Variants in C4orf51 observed in about 807,000 individuals in gnomAD.
C4orf51 encodes the protein chromosome 4 open reading frame 51, also known as uncharacterized protein C4orf51.
In C4orf51, 25 loss-of-function variants were observed where a neutral mutation model predicts 25.2. The observed-to-expected ratio is 0.99, with a 90% CI of 0.72 to 1.39. The LOEUF (loss-of-function observed/expected upper bound fraction) is 1.39. Among genes scored for constraint, C4orf51 ranks in the 40% most tolerant of loss-of-function variants. The pLI is 0.00. For missense variants in C4orf51, 252 were observed against 239.6 expected (o/e 1.05, Z -0.34); for synonymous variants, 100 against 84.5 (o/e 1.18, Z -1.01).
At chr4:145,734,334 A>T (rs987025641), downstream of C4orf51, among the ~76,000 whole-genome samples, 9 of 141,482 alleles carry the variant, frequency 6.4e-5, no homozygotes, top group African/African-American at 2.0e-4. Flanking sequence ...ATATCCATTG[A>T]TTGAGGACAC....
chr4:145,784,373 T>C, the C4orf51 span, among the ~76,000 whole-genome samples: 5 of 152,352 alleles, frequency 3.3e-5, no homozygotes, highest in African/African-American at 1.2e-4. Context: ...CTATTACTTA[T>C]AACACTCTTA....
chr4:145,789,912 C>A, the C4orf51 span, among the ~76,000 whole-genome samples: 14 of 152,224 alleles, frequency 9.2e-5, no homozygotes, highest in African/African-American at 2.9e-4. Flanking sequence ...GGAGGCTCTG[C>A]CTCTTTTCTG....
intron 2 of C4orf51, among the ~76,000 whole-genome samples, chr4:145,725,681 A>G (rs760283943): frequency 6.6e-6 from 1 of 152,216 alleles, no homozygotes; most frequent in Non-Finnish European, 1.5e-5. Context: ...AGTCAGACAT[A>G]CAAGATCACA....
At chr4:145,700,546 A>T (rs921197875) in intron 2 of C4orf51, among the ~76,000 whole-genome samples, 5 of 152,160 alleles carry the variant, frequency 3.3e-5, no homozygotes, top group Non-Finnish European at 7.3e-5. Flanking sequence ...ATAGCCGGAA[A>T]ATGGCACTTT....
At chr4:145,738,057 C>T (rs948748624) in intron 1 of C4orf51, among the ~76,000 whole-genome samples, 1 of 151,834 alleles carries the variant, frequency 6.6e-6, no homozygotes, top group African/African-American at 2.4e-5. Context: ...GAGAGTAAGG[C>T]TTGGAGAGAT....
At chr4:145,772,950 G>A (rs1736509560), downstream of C4orf51, among the ~76,000 whole-genome samples, 1 of 152,194 alleles carries the variant, frequency 6.6e-6, no homozygotes, top group Non-Finnish European at 1.5e-5. Context: ...ATTAAATGAT[G>A]ACAAGTCCAG....
chr4:145,707,191 G>C (rs747067854), intron 2 of C4orf51, among the ~76,000 whole-genome samples: 1 of 151,992 alleles, frequency 6.6e-6, no homozygotes, highest in Non-Finnish European at 1.5e-5. Context: ...CACCCGCCTC[G>C]GCCTCCCAAA....
intron 1 of C4orf51, among the ~76,000 whole-genome samples, chr4:145,738,010 T>A (rs1254257754): frequency 6.6e-6 from 1 of 152,054 alleles, no homozygotes; most frequent in African/African-American, 2.4e-5. Context: ...GTGGCTTGAG[T>A]GTTGGGAGGA....
intron 1 of C4orf51, among the ~76,000 whole-genome samples, chr4:145,741,338 CT>C (rs1391857137): frequency 6.6e-6 from 1 of 152,058 alleles, no homozygotes; most frequent in Non-Finnish European, 1.5e-5. Context: ...ATCCTTTGAC[CT>C]TTTTTTATTT....
intron 1 of C4orf51, among the ~76,000 whole-genome samples, chr4:145,681,254 T>G (rs1728823637): frequency 6.6e-6 from 1 of 152,218 alleles, no homozygotes; most frequent in Non-Finnish European, 1.5e-5. Flanking sequence ...TCTTGGAACA[T>G]ATTTGATAAT....
At chr4:145,728,016 TATATA>T (rs1406819980) in intron 3 of C4orf51, among the ~76,000 whole-genome samples, 20 of 127,172 alleles carry the variant, frequency 1.6e-4, no homozygotes, top group South Asian at 6.9e-4. Flanking sequence ...AATGTGTGTA[TATATA>T]ATATATATTA....
downstream of C4orf51, among the ~76,000 whole-genome samples, chr4:145,775,048 C>T (rs1406156587): frequency 1.3e-5 from 2 of 152,124 alleles, no homozygotes; most frequent in Non-Finnish European, 2.9e-5. Context: ...CTGATAAACT[C>T]GGAGAGCACC....
chr4:145,772,489 C>T (rs1334834466), downstream of C4orf51, among the ~76,000 whole-genome samples: 2 of 152,166 alleles, frequency 1.3e-5, no homozygotes, highest in Non-Finnish European at 2.9e-5. Context: ...CAGCAAACTA[C>T]AGTCCTTGGG....
chr4:145,774,376 A>G (rs1337486769), downstream of C4orf51: 16 of 1,028,080 alleles, frequency 1.6e-5, no homozygotes, highest in Non-Finnish European at 2.3e-5. Flanking sequence ...ATGCCTTGGG[A>G]AAGTCCTTCC....
downstream of C4orf51, chr4:145,758,355 C>A (rs954391741): frequency 6.6e-6 from 1 of 152,178 alleles, no homozygotes; most frequent in African/African-American, 2.4e-5. Context: ...CAACCCTAGA[C>A]CTCCTATTGC....
At chr4:145,682,746 T>G (rs1366942692) in intron 1 of C4orf51, among the ~76,000 whole-genome samples, 1 of 152,158 alleles carries the variant, frequency 6.6e-6, no homozygotes, top group Non-Finnish European at 1.5e-5. Context: ...GAGAATGAAA[T>G]TAGTGTGATA....
At chr4:145,688,200 TAAAA>T (rs554716520) in intron 1 of C4orf51, among the ~76,000 whole-genome samples, 6 of 98,828 alleles carry the variant, frequency 6.1e-5, no homozygotes, top group Admixed American at 2.3e-4. Context: ...GATCCTACCT[TAAAA>T]AAAAAAAAAA....
chr4:145,778,295 G>A, the C4orf51 span, among the ~76,000 whole-genome samples: 1 of 152,046 alleles, frequency 6.6e-6, no homozygotes, highest in Non-Finnish European at 1.5e-5. Flanking sequence ...CACCACATCC[G>A]TCTAATTTTT....
At chr4:145,708,435 C>T (rs1730956289) in intron 2 of C4orf51, among the ~76,000 whole-genome samples, 1 of 152,200 alleles carries the variant, frequency 6.6e-6, no homozygotes, top group Non-Finnish European at 1.5e-5. Flanking sequence ...GATTACCTGT[C>T]TGTGAAGAGA....
Sources: allele counts gnomAD v4.1 joint callset (sites outside exome capture counted in the v4.1 genomes callset), GRCh38; gene constraint gnomAD v4.1.1; transcripts MANE v1.5; gene names NCBI Gene and HGNC (gene_info 2026-07-23, HGNC 2026-07-21).